Variants in POLR1F observed in about 807,000 individuals in gnomAD.
POLR1F encodes RNA polymerase I subunit F.
Under a neutral mutation model 21.8 loss-of-function variants are expected in POLR1F, and 23 were observed. That is an observed-to-expected ratio of 1.05 (90% CI 0.76 to 1.49). POLR1F has a LOEUF of 1.49. Among genes scored for constraint, POLR1F ranks in the 40% most tolerant of loss-of-function variants. The pLI is 0.00. For synonymous variants in POLR1F, 162 were observed against 152.8 expected (o/e 1.06, Z -0.45); for missense variants, 435 against 412.1 (o/e 1.06, Z -0.48).
Position 19,695,741 on chromosome 7 carries a change from T to A in POLR1F, c.*2575A>T, listed in dbSNP as rs1562594137. The A allele has an allele frequency of 6.6e-6, 1 of 152,080 alleles. No homozygotes were observed. The highest frequency in any genetic ancestry group is 2.1e-4 in the South Asian group (1 of 4,834). 9.4% of individuals were successfully genotyped at this position (152,080 alleles called of 1,614,324 possible). ...CACATTTAGCCTTGTCTGGAAAAAG[T>A]TTATGCGAAGGTGGTGCCTGAGGTC... On this transcript the variant is annotated 3_prime_UTR_variant, in exon 4 of 4. Transcript: ENST00000222567.
intron 2 of POLR1F, among the ~76,000 whole-genome samples, chr7:19,701,529 T>C (rs1169419757): frequency 2.6e-5 from 4 of 152,158 alleles, no homozygotes; most frequent in South Asian, 2.1e-4. Context: ...GGGAAAGTTA[T>C]AGGGAATAGT....
At chr7:19,701,788 A>G (rs1407489645) in intron 2 of POLR1F, among the ~76,000 whole-genome samples, 1 of 152,154 alleles carries the variant, frequency 6.6e-6, no homozygotes, top group African/African-American at 2.4e-5. Flanking sequence ...TTAATCATTC[A>G]TAGAACTACT....
intron 1 of POLR1F, among the ~76,000 whole-genome samples, chr7:19,707,143 A>T (rs1212808238): frequency 6.6e-6 from 1 of 152,160 alleles, no homozygotes; most frequent in Non-Finnish European, 1.5e-5. Context: ...CTCTTGGACA[A>T]TTATAACATT....
rs780783032 is a variant in POLR1F, at chr7:19,704,820, C to T, written c.355G>A (p.Asp119Asn). Residue 119 changes from aspartate (D) to asparagine (N), a missense_variant, in exon 2 of 4, where the codon GAT becomes AAT. Physicochemically the swap from Asp to Asn is conservative, Grantham distance 23. Coordinates refer to ENST00000222567, the MANE Select transcript of POLR1F (RefSeq NM_001002926.2). ...GGTTCAGGGCAGAAAATAACAAAAT[C>T]GGCTTCAATGTTAAGATGAATGTGT... The part of the protein sequence containing the change: ...QGHIHLNIEA[D>N]FVIFCPEPGQ... 5 of 1,607,368 alleles carry T rather than the reference C, an allele frequency of 3.1e-6. No homozygotes were observed. Among genetic ancestry groups the T allele is most frequent in the South Asian group, 1.1e-5 (1 of 88,846 alleles).
At chr7:19,707,298 A>G (rs1229515606) in intron 1 of POLR1F, among the ~76,000 whole-genome samples, 1 of 152,174 alleles carries the variant, frequency 6.6e-6, no homozygotes, top group Non-Finnish European at 1.5e-5. Flanking sequence ...TCTCAGCGTT[A>G]AAGGGACTGA....
Position 19,698,214 on chromosome 7 carries a change from G to T in POLR1F, c.*102C>A. The T allele has an allele frequency of 9.2e-7, 1 of 1,092,252 alleles. No individual in the cohort carries two copies. The highest frequency in any genetic ancestry group is 1.2e-6 in the Non-Finnish European group (1 of 817,632). 67.7% of individuals were successfully genotyped at this position (1,092,252 alleles called of 1,614,324 possible). ...CTCCTAGTTAAGTATTTTCTGTTTTGTAAACTACTGGCATACTTAACCTTT... is the reference window on the plus strand; with the variant it reads ...CTCCTAGTTAAGTATTTTCTGTTTTTTAAACTACTGGCATACTTAACCTTT... On this transcript the variant is annotated 3_prime_UTR_variant, in exon 4 of 4. Transcript: ENST00000222567.
At chr7:19,703,623 G>T (rs1012475705) in intron 2 of POLR1F, among the ~76,000 whole-genome samples, 5 of 152,042 alleles carry the variant, frequency 3.3e-5, no homozygotes, top group Non-Finnish European at 5.9e-5. Flanking sequence ...TACAGACAGG[G>T]TCTCACTGTT....
At position 19,698,227 on chromosome 7, in the gene POLR1F, A is replaced by T. The variant is rs1783398328; in HGVS notation, c.*89T>A. 6 of 1,239,008 alleles carry T rather than the reference A, an allele frequency of 4.8e-6. No homozygotes were observed. The highest frequency in any genetic ancestry group is 6.4e-6 in the Non-Finnish European group (6 of 937,228). 76.8% of individuals were successfully genotyped at this position (1,239,008 alleles called of 1,614,324 possible). A position where few individuals can be genotyped will look rare whatever the true frequency, so the allele number is the denominator to read the frequency against. ...ATTTTCTGTTTTGTAAACTACTGGC[A>T]TACTTAACCTTTTCATATCACTGAA... On this transcript the variant is annotated 3_prime_UTR_variant, in exon 4 of 4. Coordinates refer to ENST00000222567, the MANE Select transcript of POLR1F (RefSeq NM_001002926.2).
At chr7:19,708,001 A>G (rs1029554) in intron 1 of POLR1F, among the ~76,000 whole-genome samples, 24,900 of 152,040 alleles carry the variant, frequency 0.16, 2,717 homozygotes, top group East Asian at 0.6. Flanking sequence ...CCCCGCTTTT[A>G]AACCAAAGTA....
intron 1 of POLR1F, chr7:19,705,374 T>C (rs1783506645): frequency 6.4e-6 from 1 of 155,238 alleles, no homozygotes; most frequent in Middle Eastern, 5.2e-4. Flanking sequence ...TCCCATTCTT[T>C]CTATCCTAGC....
rs1218258104 is a variant in POLR1F, at chr7:19,695,523, A to T, written c.*2793T>A. On this transcript the variant is annotated 3_prime_UTR_variant, in exon 4 of 4. Coordinates refer to ENST00000222567, the MANE Select transcript of POLR1F (RefSeq NM_001002926.2). ...AATTATCTGTTGATGCTTTCATTAT[A>T]CAAAGGATTCACTGTTAAATACTAT... 2.0e-5 allele frequency: 3 copies of T among 152,088 alleles called. No individual in the cohort carries two copies. Among genetic ancestry groups the T allele is most frequent in the Non-Finnish European group, 2.9e-5 (2 of 67,966 alleles). The allele number at this position is 152,088 out of a possible 1,614,324, so 9.4% of individuals were successfully genotyped here. A position where few individuals can be genotyped will look rare whatever the true frequency, so the allele number is the denominator to read the frequency against.
Position 19,698,729 on chromosome 7 carries a change from T to C in POLR1F, c.606-2A>G. 6.6e-7 allele frequency: 1 copy of C among 1,512,122 alleles called. No individual in the cohort carries two copies. The highest frequency in any genetic ancestry group is 8.8e-7 in the Non-Finnish European group (1 of 1,138,766). 93.7% of individuals were successfully genotyped at this position (1,512,122 alleles called of 1,614,324 possible). A position where few individuals can be genotyped will look rare whatever the true frequency, so the allele number is the denominator to read the frequency against. On this transcript the variant is annotated splice_acceptor_variant, in intron 3 of 3. Transcript: ENST00000222567. LOFTEE classifies it high-confidence loss of function. ...ACTTCAGAGCGCTTGAATTGTAAAC[T>C]ATAAATTAACAGTTAAAAAAATTAA...
chr7:19,707,127 C>A (rs1212883705), intron 1 of POLR1F, among the ~76,000 whole-genome samples: 2 of 152,202 alleles, frequency 1.3e-5, no homozygotes, highest in East Asian at 1.9e-4. Context: ...CCTCTCTAAT[C>A]ATTTTCTCTT....
chr7:19,702,595 T>C (rs1439299789), intron 2 of POLR1F, among the ~76,000 whole-genome samples: 1 of 152,154 alleles, frequency 6.6e-6, no homozygotes, highest in African/African-American at 2.4e-5. Context: ...AAAGTAACTG[T>C]TCATCAAATA....
At chr7:19,708,737 G>C in intron 1 of POLR1F, 26 bp downstream of exon 1, 2 of 1,589,402 alleles carry the variant, frequency 1.3e-6, no homozygotes, top group East Asian at 2.3e-5. Context: ...GTGCACAAAA[G>C]AAGGAACAGG....
chr7:19,699,287 G>A (rs571278346), intron 3 of POLR1F, among the ~76,000 whole-genome samples: 12 of 152,208 alleles, frequency 7.9e-5, no homozygotes, highest in South Asian at 4.1e-4. Flanking sequence ...AACATGGATC[G>A]ATGAAGTAGC....
chr7:19,697,310 T>C lies in POLR1F; in HGVS notation c.*1006A>G, dbSNP rs1783381892. The C allele has an allele frequency of 6.6e-6, 1 of 152,158 alleles. No individual in the cohort carries two copies. The highest frequency in any genetic ancestry group is 2.1e-4 in the South Asian group (1 of 4,834). 9.4% of individuals were successfully genotyped at this position (152,158 alleles called of 1,614,324 possible). ...GGAACTACATCTATCTTGTTTGCCA[T>C]TGTATCCCTGGGCCTTAGCAGAATG... On this transcript the variant is annotated 3_prime_UTR_variant, in exon 4 of 4. Transcript: ENST00000222567.
In POLR1F at chr7:19,703,691, C is replaced by T. The variant is rs533048835; in HGVS notation, c.396+1088G>A. 1.4e-4 allele frequency among the ~76,000 whole-genome samples: 21 copies of T among 152,230 alleles called. No individual in the cohort carries two copies. In the East Asian group the frequency reaches 4.0e-3, roughly 29 times the overall value. On this transcript the variant is annotated intron_variant, in intron 2 of 3. Coordinates refer to ENST00000222567, the MANE Select transcript of POLR1F (RefSeq NM_001002926.2). ...CTCACTGCAGCCTTGAACCCCTGGG[C>T]TCAGGTGATCCTCCTACCCCAGCCT...
Position 19,698,619 on chromosome 7 carries a change from A to T in POLR1F, c.714T>A (p.Tyr238Ter). Reference sequence around the variant, plus strand: ...GCTTTGTGGTACCACTGTCCACTTCATATGTCTCTGGGTCTTTCTTCTTTT... The same window carrying T: ...GCTTTGTGGTACCACTGTCCACTTCTTATGTCTCTGGGTCTTTCTTCTTTT... ...KKKKKKDPET[Y>*]EVDSGTTKLA... Residue 238 changes from tyrosine to a stop codon, truncating the protein, a stop_gained, in exon 4 of 4, where the codon TAT (tyrosine) becomes TAA (stop). Transcript: ENST00000222567. LOFTEE classifies it low-confidence loss of function (END_TRUNC). The T allele has an allele frequency of 6.2e-7, 1 of 1,611,736 alleles. No homozygotes were observed. The highest frequency in any genetic ancestry group is 8.5e-7 in the Non-Finnish European group (1 of 1,179,454).
Sources: gnomAD v4.1 joint callset for allele counts (sites outside exome capture counted in the v4.1 genomes callset) on GRCh38, gnomAD v4.1.1 for gene constraint, MANE v1.5 for transcripts, NCBI Gene and HGNC (gene_info 2026-07-23, HGNC 2026-07-21) for gene names.